Variants in LRRC14B observed in about 807,000 individuals in gnomAD.
The protein encoded by LRRC14B is leucine rich repeat containing 14B.
A neutral mutation model predicts 16.9 loss-of-function variants in LRRC14B; 23 were observed. That is an observed-to-expected ratio of 1.36 (90% CI 0.98 to 1.92). LRRC14B has a LOEUF of 1.92. Ranked by LOEUF, LRRC14B falls within the 30% of genes most tolerant of loss-of-function variation. LRRC14B has a pLI of 0.00. For synonymous variants in LRRC14B, 358 were observed against 332.5 expected, an observed-to-expected ratio of 1.08 and a Z score of -0.83; for missense variants, 766 against 705.7, an observed-to-expected ratio of 1.09 and a Z score of -0.97.
In LRRC14B at chr5:195,251, C is replaced by A. The variant is rs754733454; in HGVS notation, c.1443C>A (p.Asp481Glu). Residue 481 changes from aspartate to glutamate, a missense_variant, in exon 2 of 2, where the codon GAC (aspartate) becomes GAA (glutamate). Asp to Glu is a conservative substitution (Grantham distance 45). Coordinates refer to ENST00000328278, the MANE Select transcript of LRRC14B (RefSeq NM_001080478.3). ...CCACACCTCTCTTTGGAAGTTTTGA[C>A]CCAGACATTCAAGAAACAAGCAATG... ...QVSTPLFGSF[D>E]PDIQETSNEL... 2 of 1,613,186 alleles carry A rather than the reference C, an allele frequency of 1.2e-6. No homozygotes were observed. The highest frequency in any genetic ancestry group is 2.2e-5 in the South Asian group (2 of 91,080).
chr5:194,683 G>A (rs1471802634), intron 1 of LRRC14B, 25 bp from the exon 2 acceptor site: 2 of 1,572,736 alleles, frequency 1.3e-6, no homozygotes, highest in African/African-American at 1.3e-5. Flanking sequence ...CCTCTCACCT[G>A]TGCTCTTTCC....
Position 195,952 on chromosome 5 carries a change from C to G in LRRC14B, c.*599C>G, listed in dbSNP as rs187339446. The G allele has an allele frequency of 6.4e-6, 1 of 155,314 alleles. No individual in the cohort carries two copies. The highest frequency in any genetic ancestry group is 2.4e-5 in the African/African-American group (1 of 41,456). 9.6% of individuals were successfully genotyped at this position (155,314 alleles called of 1,614,324 possible). On this transcript the variant is annotated 3_prime_UTR_variant, in exon 2 of 2. Transcript: ENST00000328278. ...GGATGAGGTGGGCCTGCAGGGAACG[C>G]GGGGCTTCTGGTTGCTGTTAGTGGT...
In LRRC14B at chr5:191,580, T is replaced by A; in HGVS notation, c.42T>A (p.Ala14=). Residue 14 remains alanine, a synonymous_variant, in exon 1 of 2, where the codon GCT becomes GCA. Transcript: ENST00000328278. ...MRSLRFISAE[A]LVSHPQVARQ... is the part of the protein sequence containing the mutation. ...CACTCCGCTTCATTTCTGCAGAAGC[T>A]CTGGTGTCCCACCCCCAGGTGGCCC... The A allele has an allele frequency of 6.2e-7, 1 of 1,612,350 alleles. No homozygotes were observed. The highest frequency in any genetic ancestry group is 8.5e-7 in the Non-Finnish European group (1 of 1,179,532).
chr5:193,069 C>T (rs554864479), intron 1 of LRRC14B, among the ~76,000 whole-genome samples: 6 of 151,010 alleles, frequency 4.0e-5, no homozygotes, highest in South Asian at 4.2e-4. Context: ...GGGGGATGCC[C>T]GGCGGTGGGT....
Position 196,126 on chromosome 5 carries a change from A to G in LRRC14B, c.*773A>G, listed in dbSNP as rs1297176265. The G allele has an allele frequency of 6.6e-6, 1 of 152,292 alleles. No homozygotes were observed. The highest frequency in any genetic ancestry group is 1.5e-5 in the Non-Finnish European group (1 of 68,144). The allele number at this position is 152,292 out of a possible 1,614,324, so 9.4% of individuals were successfully genotyped here. ...GACCGCGCCACTGTTTCTCACCAAC[A>G]TTCACTGTGTCCTGCGGGGCTTGAG... is the stretch of plus-strand genomic sequence containing the variant. On this transcript the variant is annotated 3_prime_UTR_variant, in exon 2 of 2. Coordinates refer to ENST00000328278, the MANE Select transcript of LRRC14B (RefSeq NM_001080478.3).
rs199606390 is a variant in LRRC14B at position 194,697 on chromosome 5, G to A, written c.900-11G>A. 4.5e-5 allele frequency: 71 copies of A among 1,586,062 alleles called. No homozygotes were observed. The highest frequency in any genetic ancestry group is 2.1e-4 in the Admixed American group (12 of 57,694). The stretch of plus-strand genomic sequence containing the variant: ...TCCTCTCACCTGTGCTCTTTCCCCC[G>A]TGTCCTGCAGCCCCCTACAGACCCC... On this transcript the variant is annotated splice_polypyrimidine_tract_variant and intron_variant, in intron 1 of 1. Transcript: ENST00000328278.
Position 192,118 on chromosome 5 carries a change from G to A in LRRC14B, c.580G>A (p.Asp194Asn), listed in dbSNP as rs560853329. 158 of 1,569,612 alleles carry A rather than the reference G, an allele frequency of 1.0e-4. 1 individual carries two copies. The highest frequency in any genetic ancestry group is 8.7e-4 in the South Asian group (75 of 85,956). Reference sequence around the variant, plus strand: ...GGTGCACTGCCCCTCGTTCCGGGCGGACAGCCTGAGCCCCAGCCAGCTCCT... The same window carrying A: ...GGTGCACTGCCCCTCGTTCCGGGCGAACAGCCTGAGCCCCAGCCAGCTCCT... Reference protein sequence around the residue: ...LRVHCPSFRADSLSPSQLLHV... With the variant: ...LRVHCPSFRANSLSPSQLLHV... Residue 194 changes from aspartate to asparagine, a missense_variant, in exon 1 of 2, where the codon GAC becomes AAC. Asp to Asn is a conservative substitution (Grantham distance 23). Coordinates refer to ENST00000328278, the MANE Select transcript of LRRC14B (RefSeq NM_001080478.3).
Position 194,881 on chromosome 5 carries a change from C to T in LRRC14B, c.1073C>T (p.Ala358Val), listed in dbSNP as rs751137035. The change falls in exon 2 of 2, where the codon GCT (alanine) becomes GTT (valine). Residue 358 changes from alanine (A) to valine (V), a missense_variant. Physicochemically the swap from Ala to Val is moderately conservative, Grantham distance 64. Transcript: ENST00000328278. ...PSTFFRLLSQ[A>V]SRTLRILTLE... The stretch of plus-strand genomic sequence containing the variant: ...ACCTTCTTCAGGCTGCTCAGCCAGG[C>T]TTCCCGGACGCTGAGGATCCTGACA... 1 of 1,596,660 alleles carries T rather than the reference C, an allele frequency of 6.3e-7. No individual in the cohort carries two copies. Among genetic ancestry groups the T allele is most frequent in the African/African-American group, 1.3e-5 (1 of 74,664 alleles).
In LRRC14B at chr5:191,869, G is replaced by A. The variant is rs1475170118; in HGVS notation, c.331G>A (p.Asp111Asn). ...DRSRRRLRVA[D>N]LTGIRDVQVQ... ...GAGCCGCCGGCGGCTGCGGGTGGCT[G>A]ACCTCACGGGCATCCGAGATGTGCA... is the stretch of plus-strand genomic sequence containing the variant. Residue 111 changes from aspartate (D) to asparagine (N), a missense_variant, in exon 1 of 2, where the codon GAC becomes AAC. Transcript: ENST00000328278. 6.6e-7 allele frequency: 1 copy of A among 1,522,648 alleles called. No individual in the cohort carries two copies. Among genetic ancestry groups the A allele is most frequent in the Non-Finnish European group, 8.8e-7 (1 of 1,141,232 alleles). The allele number at this position is 1,522,648 out of a possible 1,614,324, so 94.3% of individuals were successfully genotyped here. A position where few individuals can be genotyped will look rare whatever the true frequency, so the allele number is the denominator to read the frequency against.
At position 195,583 on chromosome 5, in the gene LRRC14B, C is replaced by T. The variant is rs753083560; in HGVS notation, c.*230C>T. ...TGGCAGCACGGCAAGGTTCTGGAGG[C>T]GGGGGAAGCCACCAAGAGACAGTGA... On this transcript the variant is annotated 3_prime_UTR_variant, in exon 2 of 2. Transcript: ENST00000328278. Among the ~76,000 whole-genome samples, 6 of 152,140 alleles carry T rather than the reference C, an allele frequency of 3.9e-5. No homozygotes were observed. The highest frequency in any genetic ancestry group is 3.9e-4 in the East Asian group (2 of 5,186).
rs771490199 is a variant in LRRC14B, at chr5:192,168, G to T, written c.630G>T (p.Pro210=). 1 of 1,599,028 alleles carries T rather than the reference G, an allele frequency of 6.3e-7. No homozygotes were observed. Among genetic ancestry groups the T allele is most frequent in the Non-Finnish European group, 8.5e-7 (1 of 1,173,982 alleles). ...TGCACGTGCTGCGTCTGGCTGGCCC[G>T]GGTGCCCTGCGCAAGCTGGAGGTGG... The part of the protein sequence containing the change: ...QLLHVLRLAG[P]GALRKLEVVH... Residue 210 remains proline, a synonymous_variant, in exon 1 of 2, where the codon CCG becomes CCT. Coordinates refer to ENST00000328278, the MANE Select transcript of LRRC14B (RefSeq NM_001080478.3).
In LRRC14B at chr5:195,342, CAAAT is replaced by C. The variant is rs756965296; in HGVS notation, c.1536_1539del (p.Ile513SerfsTer22). 1.1e-5 allele frequency: 18 copies of C among 1,601,660 alleles called. No homozygotes were observed. The highest frequency in any genetic ancestry group is 2.2e-5 in the East Asian group (1 of 44,884). On this transcript the variant is annotated frameshift_variant, in exon 2 of 2. Coordinates refer to ENST00000328278, the MANE Select transcript of LRRC14B (RefSeq NM_001080478.3). LOFTEE classifies it high-confidence loss of function. ...AGAAAACTTCTCCAGAGCACTCAAA[CAAAT>C]AGAGTAGTTCCTCCACTCGCACCAG...
rs746315033 is a variant in LRRC14B, at chr5:192,239, C to A, written c.701C>A (p.Ala234Asp). 40 of 1,594,038 alleles carry A rather than the reference C, an allele frequency of 2.5e-5. No homozygotes were observed. In the East Asian group the frequency reaches 3.7e-4, roughly 15 times the overall value. ...GCGGGCCACGTGCAGCAGCTTCTGGCCCAGGTGGGCTTCCCCCGGCTGGCC... is the reference window on the plus strand; with the variant it reads ...GCGGGCCACGTGCAGCAGCTTCTGGACCAGGTGGGCTTCCCCCGGCTGGCC... ...LHAGHVQQLLAQVGFPRLASL... is the reference protein window; with the variant it reads ...LHAGHVQQLLDQVGFPRLASL... Residue 234 changes from alanine to aspartate, a missense_variant, in exon 1 of 2, where the codon GCC becomes GAC. By Grantham distance (126) the Ala-to-Asp change is moderately radical (BLOSUM62 -2). Transcript: ENST00000328278.
rs373722530 is a variant in LRRC14B, at chr5:195,043, T to C, written c.1235T>C (p.Leu412Pro). 1.9e-5 allele frequency: 30 copies of C among 1,613,294 alleles called. No individual in the cohort carries two copies. In the African/African-American group the frequency reaches 3.5e-4, roughly 19 times the overall value. Residue 412 changes from leucine (L) to proline (P), a missense_variant, in exon 2 of 2, where the codon CTC becomes CCC. Transcript: ENST00000328278. ...GCCCTCCGGCGCCTCTTCACCGCAC[T>C]CTGTGAGCTCCCCGAGCTGCGCTGC... ...ARALRRLFTALCELPELRCIE... is the reference protein window; with the variant it reads ...ARALRRLFTAPCELPELRCIE...
chr5:191,739 G>A lies in LRRC14B; in HGVS notation c.201G>A (p.Leu67=). 4.5e-6 allele frequency: 7 copies of A among 1,563,336 alleles called. No homozygotes were observed. Among genetic ancestry groups the A allele is most frequent in the Non-Finnish European group, 6.1e-6 (7 of 1,155,720 alleles). ...WPLEEFRLGA[L]LGPGADHPQD... ...TGGAGGAGTTCCGGCTGGGAGCGCTGCTGGGTCCTGGTGCCGACCACCCCC... is the reference window on the plus strand; with the variant it reads ...TGGAGGAGTTCCGGCTGGGAGCGCTACTGGGTCCTGGTGCCGACCACCCCC... Residue 67 remains leucine, a synonymous_variant, in exon 1 of 2, where the codon CTG becomes CTA. Coordinates refer to ENST00000328278, the MANE Select transcript of LRRC14B (RefSeq NM_001080478.3).
chr5:193,540 G>T (rs1733852625), intron 1 of LRRC14B, among the ~76,000 whole-genome samples: 1 of 147,540 alleles, frequency 6.8e-6, no homozygotes, highest in Non-Finnish European at 1.5e-5. Context: ...GGGGGCACCT[G>T]GTGGTGAGTC....
rs754201187 is a variant in LRRC14B at position 191,618 on chromosome 5, A to G, written c.80A>G (p.Asp27Gly). 1 of 1,611,502 alleles carries G rather than the reference A, an allele frequency of 6.2e-7. No homozygotes were observed. Among genetic ancestry groups the G allele is most frequent in the Non-Finnish European group, 8.5e-7 (1 of 1,179,314 alleles). ...CCCCAGGTGGCCCGGCAGAGCCTGG[A>G]CAGCGTGGCCCACAACCTCTACCCA... ...SHPQVARQSLDSVAHNLYPLL... is the reference protein window; with the variant it reads ...SHPQVARQSLGSVAHNLYPLL... The change falls in exon 1 of 2, where the codon GAC becomes GGC. Residue 27 changes from aspartate to glycine, a missense_variant. Coordinates refer to ENST00000328278, the MANE Select transcript of LRRC14B (RefSeq NM_001080478.3).
chr5:191,843 G>C lies in LRRC14B; in HGVS notation c.305G>C (p.Arg102Pro), dbSNP rs1225705221. The C allele has an allele frequency of 9.2e-6, 14 of 1,526,224 alleles. No individual in the cohort carries two copies. The highest frequency in any genetic ancestry group is 8.4e-5 in the South Asian group (7 of 82,850). The allele number at this position is 1,526,224 out of a possible 1,614,324, so 94.5% of individuals were successfully genotyped here. Residue 102 changes from arginine (R) to proline (P), a missense_variant, in exon 1 of 2, where the codon CGG becomes CCG. Transcript: ENST00000328278. The stretch of plus-strand genomic sequence containing the variant: ...CTCGCGGACCACGTGCTGCAGGACC[G>C]GAGCCGCCGGCGGCTGCGGGTGGCT... ...RGLADHVLQD[R>P]SRRRLRVADL...
chr5:192,133 A>G lies in LRRC14B; in HGVS notation c.595A>G (p.Ser199Gly). The change falls in exon 1 of 2, where the codon AGC (serine) becomes GGC (glycine). Residue 199 changes from serine to glycine, a missense_variant. Coordinates refer to ENST00000328278, the MANE Select transcript of LRRC14B (RefSeq NM_001080478.3). ...PSFRADSLSP[S>G]QLLHVLRLAG... is the part of the protein sequence containing the mutation. Reference sequence around the variant, plus strand: ...GTTCCGGGCGGACAGCCTGAGCCCCAGCCAGCTCCTGCACGTGCTGCGTCT... The same window carrying G: ...GTTCCGGGCGGACAGCCTGAGCCCCGGCCAGCTCCTGCACGTGCTGCGTCT... 6.3e-7 allele frequency: 1 copy of G among 1,583,118 alleles called. No individual in the cohort carries two copies. Among genetic ancestry groups the G allele is most frequent in the South Asian group, 1.2e-5 (1 of 86,936 alleles).
Sources: allele counts gnomAD v4.1 joint callset (sites outside exome capture counted in the v4.1 genomes callset), GRCh38; gene constraint gnomAD v4.1.1; transcripts MANE v1.5; gene names NCBI Gene and HGNC (gene_info 2026-07-23, HGNC 2026-07-21).